The following TBC1D22A variants were observed in gnomAD, a reference collection of about 807,000 sequenced individuals.
The protein encoded by TBC1D22A is putative GTPase activator.
A neutral mutation model predicts 60.2 loss-of-function variants in TBC1D22A; 38 were observed. The ratio of observed to expected loss-of-function variants is 0.63; its 90% CI spans 0.49 to 0.83. TBC1D22A has a LOEUF of 0.83. Ranked by LOEUF, TBC1D22A falls within the 40% of genes least tolerant of loss-of-function variation. The probability of loss-of-function intolerance (pLI) is 0.00; values close to 1 mark genes in which losing one functional copy is unlikely to be tolerated. For missense variants in TBC1D22A, 628 were observed against 701.0 expected, an observed-to-expected ratio of 0.90 and a Z score of 1.18; for synonymous variants, 302 against 281.7, an observed-to-expected ratio of 1.07 and a Z score of -0.72.
chr22:46,992,305 C>G (rs1020704710), intron 9 of TBC1D22A, among the ~76,000 whole-genome samples: 4 of 152,260 alleles, frequency 2.6e-5, no homozygotes, highest in Non-Finnish European at 5.9e-5. Flanking sequence ...TGGGACGACC[C>G]GTCCGAAACG....
intron 4 of TBC1D22A, among the ~76,000 whole-genome samples, chr22:46,843,350 A>C (rs1270731544): frequency 3.9e-5 from 6 of 152,070 alleles, no homozygotes; most frequent in African/African-American, 1.5e-4. Flanking sequence ...TGCAGAGATA[A>C]AACAGCCACG....
chr22:46,980,230 C>T (rs765825651), intron 9 of TBC1D22A, among the ~76,000 whole-genome samples: 1 of 152,174 alleles, frequency 6.6e-6, no homozygotes, highest in Non-Finnish European at 1.5e-5. Flanking sequence ...TTGCACAGGT[C>T]GGAGTACAGT....
intron 8 of TBC1D22A, among the ~76,000 whole-genome samples, chr22:46,954,421 G>C (rs971247777): frequency 6.6e-6 from 1 of 152,240 alleles, no homozygotes; most frequent in Non-Finnish European, 1.5e-5. Context: ...ATTGGATTTT[G>C]TGCAGGTCAG....
intron 12 of TBC1D22A, among the ~76,000 whole-genome samples, chr22:47,149,328 T>G (rs1484311262): frequency 6.6e-6 from 1 of 152,232 alleles, no homozygotes; most frequent in Non-Finnish European, 1.5e-5. Context: ...TCCATTTATT[T>G]CCCTCAAATG....
chr22:46,813,615 A>T (rs1240401124), intron 4 of TBC1D22A, among the ~76,000 whole-genome samples: 1 of 152,232 alleles, frequency 6.6e-6, no homozygotes, highest in African/African-American at 2.4e-5. Flanking sequence ...ATGGAGAAAG[A>T]GATCTGCCGC....
intron 8 of TBC1D22A, among the ~76,000 whole-genome samples, chr22:46,941,697 T>TGTATATACGGAATA (rs1569249140): frequency 3.1e-5 from 2 of 65,092 alleles, no homozygotes; most frequent in Admixed American, 3.5e-4. Flanking sequence ...TATACGCGGA[T>TGTATATACGGAATA]TATATATGCG....
chr22:47,090,510 T>C (rs770161515), intron 11 of TBC1D22A, among the ~76,000 whole-genome samples: 1 of 152,150 alleles, frequency 6.6e-6, no homozygotes, highest in African/African-American at 2.4e-5. Context: ...CTGTCCTGTT[T>C]AGAAAATGAG....
intron 11 of TBC1D22A, among the ~76,000 whole-genome samples, chr22:47,061,987 C>A (rs1349605688): frequency 6.8e-6 from 1 of 146,074 alleles, no homozygotes; most frequent in African/African-American, 2.5e-5. Flanking sequence ...ACTCCGGAGG[C>A]TGAGGCAGGA....
intron 12 of TBC1D22A, among the ~76,000 whole-genome samples, chr22:47,161,499 C>G (rs1474549239): frequency 6.6e-6 from 1 of 152,224 alleles, no homozygotes; most frequent in Admixed American, 6.5e-5. Flanking sequence ...AAATTGCCTT[C>G]AACACACTAG....
chr22:46,907,117 C>T (rs994413673), intron 7 of TBC1D22A, among the ~76,000 whole-genome samples: 6 of 151,678 alleles, frequency 4.0e-5, no homozygotes, highest in African/African-American at 7.3e-5. Context: ...CGCTCTTCTC[C>T]GTGCGTGTGC....
intron 3 of TBC1D22A, among the ~76,000 whole-genome samples, chr22:46,794,486 C>T (rs2084564798): frequency 6.6e-6 from 1 of 152,222 alleles, no homozygotes; most frequent in Admixed American, 6.5e-5. Flanking sequence ...GTGTTGCAGG[C>T]CATCACGTCT....
intron 1 of TBC1D22A, 84 bp from the exon 2 acceptor site, chr22:46,792,436 G>C (rs1463632894): frequency 6.3e-7 from 1 of 1,586,708 alleles, no homozygotes; most frequent in Non-Finnish European, 8.7e-7. Context: ...GGGTTCCTGG[G>C]AGCCCACCTT....
intron 7 of TBC1D22A, among the ~76,000 whole-genome samples, chr22:46,906,750 C>CTGTG (rs141704663): frequency 1.3e-5 from 2 of 151,916 alleles, no homozygotes; most frequent in Non-Finnish European, 2.9e-5. Context: ...TGGCCCGTGG[C>CTGTG]TGTGTGTGTG....
At chr22:46,830,189 C>T (rs921745336) in intron 4 of TBC1D22A, among the ~76,000 whole-genome samples, 20 of 152,310 alleles carry the variant, frequency 1.3e-4, no homozygotes, top group South Asian at 4.1e-4. Flanking sequence ...TGCATGGGGA[C>T]GCTGAGGCGA....
chr22:46,893,002 C>T (rs1285959901), intron 6 of TBC1D22A, among the ~76,000 whole-genome samples: 7 of 152,334 alleles, frequency 4.6e-5, no homozygotes, highest in South Asian at 2.1e-4. Context: ...GAGCTGGGCC[C>T]GGTGGGGGTT....
At chr22:47,013,580 G>A (rs1051951054) in intron 10 of TBC1D22A, among the ~76,000 whole-genome samples, 1 of 152,218 alleles carries the variant, frequency 6.6e-6, no homozygotes, top group African/African-American at 2.4e-5. Context: ...TAAGGAACCA[G>A]TGTCCCTCTT....
chr22:46,835,453 A>G (rs1158470119), intron 4 of TBC1D22A, among the ~76,000 whole-genome samples: 1 of 152,234 alleles, frequency 6.6e-6, no homozygotes, highest in Non-Finnish European at 1.5e-5. Context: ...AGACTGAACT[A>G]TGAAATGCAA....
chr22:47,074,650 A>C (rs758449336), intron 11 of TBC1D22A, among the ~76,000 whole-genome samples: 2 of 152,208 alleles, frequency 1.3e-5, no homozygotes, highest in Admixed American at 6.5e-5. Flanking sequence ...GCTTTTTGAT[A>C]GCCACCCCCT....
At chr22:46,987,917 G>A (rs781353987) in intron 9 of TBC1D22A, among the ~76,000 whole-genome samples, 1 of 152,088 alleles carries the variant, frequency 6.6e-6, no homozygotes, top group African/African-American at 2.4e-5. Context: ...TCAAAACCCC[G>A]GTCAGTTCTC....
Sources: gnomAD v4.1 joint callset for allele counts (sites outside exome capture counted in the v4.1 genomes callset) on GRCh38, gnomAD v4.1.1 for gene constraint, MANE v1.5 for transcripts, NCBI Gene and HGNC (gene_info 2026-07-23, HGNC 2026-07-21) for gene names.